The following CNBD1 variants were observed in gnomAD, a reference collection of about 807,000 sequenced individuals.
CNBD1 encodes the protein cyclic nucleotide-binding domain-containing protein 1.
Under a neutral mutation model 54.4 loss-of-function variants are expected in CNBD1, and 71 were observed. The ratio of observed to expected loss-of-function variants is 1.30; its 90% CI spans 1.08 to 1.59. The LOEUF is 1.59. CNBD1 is among the 40% of genes most tolerant of loss of function. The pLI, the probability that CNBD1 is intolerant of heterozygous loss-of-function variation, is 0.00. For missense variants in CNBD1, 659 were observed against 518.0 expected, an observed-to-expected ratio of 1.27 and a Z score of -2.64; for synonymous variants, 182 against 170.7, an observed-to-expected ratio of 1.07 and a Z score of -0.51.
chr8:87,146,066 C>T (rs920261722), intron 4 of CNBD1, among the ~76,000 whole-genome samples: 2 of 152,018 alleles, frequency 1.3e-5, no homozygotes, highest in African/African-American at 2.4e-5. Context: ...CAAATATTTT[C>T]GAATTCTTTT....
intron 2 of CNBD1, among the ~76,000 whole-genome samples, chr8:87,390,544 T>C (rs1436973441): frequency 2.6e-5 from 4 of 152,132 alleles, no homozygotes; most frequent in African/African-American, 9.7e-5. Context: ...TAGTGCGATA[T>C]CATCTCACAC....
chr8:87,299,961 A>G (rs375996654), intron 8 of CNBD1, among the ~76,000 whole-genome samples: 65 of 152,306 alleles, frequency 4.3e-4, no homozygotes, highest in African/African-American at 1.5e-3. Context: ...TGGATTATAA[A>G]TAGGGCCAAT....
intron 8 of CNBD1, among the ~76,000 whole-genome samples, chr8:87,299,825 C>A (rs937710874): frequency 6.6e-6 from 1 of 152,134 alleles, no homozygotes; most frequent in African/African-American, 2.4e-5. Context: ...TCAGCCACAC[C>A]ACACCCTGCA....
chr8:87,095,561 C>A (rs6651184), intron 4 of CNBD1, among the ~76,000 whole-genome samples: 4 of 152,320 alleles, frequency 2.6e-5, no homozygotes, highest in African/African-American at 9.6e-5. Flanking sequence ...CTTTTAACTG[C>A]CTGTTGGCAA....
intron 6 of CNBD1, among the ~76,000 whole-genome samples, chr8:87,250,689 A>G (rs1384379295): frequency 6.6e-6 from 1 of 152,230 alleles, no homozygotes; most frequent in Non-Finnish European, 1.5e-5. Context: ...ATTGAACTGG[A>G]GGACATTATA....
rs144335746 is a variant in CNBD1, at chr8:87,055,584, C to T, written c.431+115830C>T. Among the ~76,000 whole-genome samples the T allele has an allele frequency of 1.5e-3, 236 of 152,306 alleles. 1 individual carries two copies. Among genetic ancestry groups the T allele is most frequent in the African/African-American group, 5.2e-3 (218 of 41,564 alleles). On this transcript the variant is annotated intron_variant, in intron 4 of 10. Transcript: ENST00000518476. ...TGCCTGCCTGGCCTGCTTATCTGTA[C>T]ATCTGCAGTCTGAGTTTTCCTCAGG...
At chr8:87,215,643 G>A (rs1814194425) in intron 5 of CNBD1, among the ~76,000 whole-genome samples, 1 of 151,434 alleles carries the variant, frequency 6.6e-6, no homozygotes, top group Non-Finnish European at 1.5e-5. Flanking sequence ...TCTAACGTTA[G>A]ATTGTGACGA....
intron 1 of CNBD1, among the ~76,000 whole-genome samples, chr8:86,866,834 T>C (rs1396942254): frequency 4.6e-5 from 7 of 152,168 alleles, no homozygotes; most frequent in African/African-American, 1.7e-4. Context: ...GAGCTTCAGA[T>C]ACATTGAAAT....
intron 4 of CNBD1, among the ~76,000 whole-genome samples, chr8:86,984,003 T>A (rs11784470): frequency 0.73 from 110,795 of 152,028 alleles, 41,834 homozygotes; most frequent in East Asian, 0.95. Context: ...GACTTTTGTG[T>A]CAGCCTCTCC....
At chr8:87,064,354 T>C (rs980643539) in intron 4 of CNBD1, among the ~76,000 whole-genome samples, 3 of 152,000 alleles carry the variant, frequency 2.0e-5, no homozygotes, top group African/African-American at 7.2e-5. Flanking sequence ...CTTAAAAATA[T>C]AGATTATTTT....
chr8:86,936,948 TTA>T (rs1412484011), intron 3 of CNBD1, among the ~76,000 whole-genome samples: 2 of 152,206 alleles, frequency 1.3e-5, no homozygotes, highest in East Asian at 3.8e-4. Flanking sequence ...ATAAACTCTT[TTA>T]GTTACAATTT....
At chr8:87,381,845 G>C (rs747864100) in intron 10 of CNBD1, among the ~76,000 whole-genome samples, 9 of 151,830 alleles carry the variant, frequency 5.9e-5, no homozygotes, top group Non-Finnish European at 1.2e-4. Flanking sequence ...AGGGGTTGAG[G>C]CATGGGAAAT....
chr8:87,182,355 AT>A lies in CNBD1; in HGVS notation c.432-23637del, dbSNP rs1813371770. On this transcript the variant is annotated intron_variant, in intron 4 of 10. Coordinates refer to ENST00000518476, the MANE Select transcript of CNBD1 (RefSeq NM_173538.3). This position sits in a 1 kb window ranked among gnomAD's most constrained non-coding sequence, Gnocchi z 4.1. The stretch of plus-strand genomic sequence containing the variant: ...TACTGTAAACAGCACTGTGATAGAC[AT>A]ATGTGTGCATGTCTTTATGGTAGAA... Among the ~76,000 whole-genome samples the A allele has an allele frequency of 8.4e-6, 1 of 118,404 alleles. No individual in the cohort carries two copies. The highest frequency in any genetic ancestry group is 2.6e-5 in the African/African-American group (1 of 38,198). 77.7% of individuals were successfully genotyped at this position (118,404 alleles called of 152,430 possible). A position where few individuals can be genotyped will look rare whatever the true frequency, so the allele number is the denominator to read the frequency against.
chr8:86,922,101 G>C (rs1449616779), intron 3 of CNBD1, among the ~76,000 whole-genome samples: 1 of 152,112 alleles, frequency 6.6e-6, no homozygotes, highest in Non-Finnish European at 1.5e-5. Flanking sequence ...AGAAGAGAAA[G>C]ATTATCTGAG....
chr8:86,874,989 TATATATATATATA>T (rs1808494048), intron 1 of CNBD1, among the ~76,000 whole-genome samples: 1 of 15,720 alleles, frequency 6.4e-5, no homozygotes, highest in African/African-American at 1.6e-4. Context: ...AATCAATTTA[TATATATATATATA>T]TATATATATA....
chr8:87,350,807 TTTTAATTTA>T lies in CNBD1; in HGVS notation c.1043-876_1043-868del, dbSNP rs1163549988. 1.4e-3 allele frequency among the ~76,000 whole-genome samples: 208 copies of T among 152,024 alleles called. 3 individuals are homozygous for T. The South Asian group carries it at 0.022, about 16-fold the overall frequency. On this transcript the variant is annotated intron_variant, in intron 8 of 10. Transcript: ENST00000518476. ...CGTAGAAAATATTTTGAAATACTAA[TTTTAATTTA>T]TATATTGCCAAGTATTTAAATCATG...
chr8:86,959,344 A>G (rs1051936043), intron 4 of CNBD1, among the ~76,000 whole-genome samples: 1 of 152,060 alleles, frequency 6.6e-6, no homozygotes, highest in Middle Eastern at 3.2e-3. Context: ...TGTTCTTCTT[A>G]GTGAATATCT....
intron 4 of CNBD1, among the ~76,000 whole-genome samples, chr8:86,991,057 C>T (rs1228746395): frequency 6.6e-6 from 1 of 152,022 alleles, no homozygotes; most frequent in African/African-American, 2.4e-5. Flanking sequence ...CTGAATTTAT[C>T]AGTTCTGATA....
At chr8:87,303,840 C>G (rs889142817) in intron 8 of CNBD1, among the ~76,000 whole-genome samples, 3 of 152,054 alleles carry the variant, frequency 2.0e-5, no homozygotes, top group Non-Finnish European at 4.4e-5. Context: ...TATGAACAGA[C>G]ACTTCTCAAA....
Sources: allele counts gnomAD v4.1 joint callset (sites outside exome capture counted in the v4.1 genomes callset), GRCh38; gene constraint gnomAD v4.1.1; non-coding constraint Gnocchi (gnomAD v3.1); transcripts MANE v1.5; gene names NCBI Gene and HGNC (gene_info 2026-07-23, HGNC 2026-07-21).